The following OSBPL3 variants were observed in gnomAD, a reference collection of about 807,000 sequenced individuals.
OSBPL3 encodes the protein oxysterol-binding protein-related protein 3.
Under a neutral mutation model 120.1 loss-of-function variants are expected in OSBPL3, and 65 were observed. That is an observed-to-expected ratio of 0.54 (90% CI 0.44 to 0.67). The LOEUF (loss-of-function observed/expected upper bound fraction) is 0.67. Ranked by LOEUF, OSBPL3 falls within the 30% of genes least tolerant of loss-of-function variation. The pLI is 0.00. For missense variants in OSBPL3, 1,004 were observed against 1,082.1 expected (o/e 0.93, Z 1.01); for synonymous variants, 416 against 402.6 (o/e 1.03, Z -0.40).
At chr7:24,945,521 T>C (rs1230180512) in intron 1 of OSBPL3, among the ~76,000 whole-genome samples, 1 of 152,242 alleles carries the variant, frequency 6.6e-6, no homozygotes, top group Admixed American at 6.5e-5. Flanking sequence ...TAAATACTTG[T>C]TGAAAACATC....
chr7:24,944,115 A>T (rs1584696233), intron 1 of OSBPL3, among the ~76,000 whole-genome samples: 1 of 151,076 alleles, frequency 6.6e-6, no homozygotes. Context: ...AAACATTTTT[A>T]TTAGGGAGAA....
chr7:24,836,283 C>G (rs1161244944), intron 14 of OSBPL3, among the ~76,000 whole-genome samples: 1 of 152,122 alleles, frequency 6.6e-6, no homozygotes, highest in East Asian at 1.9e-4. Context: ...CCTCTTCAGG[C>G]TTGTCATTTT....
chr7:24,928,762 C>T, intron 1 of OSBPL3, among the ~76,000 whole-genome samples: 1 of 152,162 alleles, frequency 6.6e-6, no homozygotes. Context: ...TGGAATCATA[C>T]AGAATATGCT....
At position 24,852,659 on chromosome 7, in the gene OSBPL3, A is replaced by G; in HGVS notation, c.1028-25T>C. On this transcript the variant is annotated intron_variant, in intron 10 of 22. Transcript: ENST00000313367. This position sits in a 1 kb window ranked among gnomAD's most constrained non-coding sequence, Gnocchi z 4.1. ...ACTATAGAGATAGAATCATTATAAA[A>G]AGGAATAAGGAGGCATAATTAAAAA... 1 of 1,468,636 alleles carries G rather than the reference A, an allele frequency of 6.8e-7. No homozygotes were observed. The highest frequency in any genetic ancestry group is 9.2e-7 in the Non-Finnish European group (1 of 1,091,448). The allele number at this position is 1,468,636 out of a possible 1,614,324, so 91.0% of individuals were successfully genotyped here.
intron 1 of OSBPL3, among the ~76,000 whole-genome samples, chr7:24,911,920 C>T (rs938617361): frequency 6.6e-6 from 1 of 152,140 alleles, no homozygotes; most frequent in African/African-American, 2.4e-5. Context: ...TAGACTAGAG[C>T]TAAAAGGCAA....
Position 24,930,023 on chromosome 7 carries a change from G to C in OSBPL3, c.-149-37402C>G, listed in dbSNP as rs1053755976. On this transcript the variant is annotated intron_variant, in intron 1 of 22. Transcript: ENST00000313367. This position sits in a 1 kb window ranked among gnomAD's most constrained non-coding sequence, Gnocchi z 4.4. Reference sequence around the variant, plus strand: ...TCTCATAGAGCAAGGTAAGGGTAAAGTAAAGGTGAAGGCATCGTTAATGAT... The same window carrying C: ...TCTCATAGAGCAAGGTAAGGGTAAACTAAAGGTGAAGGCATCGTTAATGAT... 2.0e-5 allele frequency among the ~76,000 whole-genome samples: 3 copies of C among 152,146 alleles called. No individual in the cohort carries two copies. Among genetic ancestry groups the C allele is most frequent in the Non-Finnish European group, 4.4e-5 (3 of 68,010 alleles).
chr7:24,954,318 T>C (rs1456407002), intron 1 of OSBPL3, among the ~76,000 whole-genome samples: 2 of 152,190 alleles, frequency 1.3e-5, no homozygotes, highest in African/African-American at 4.8e-5. Context: ...CCTTTCTCCA[T>C]AAGGATGTCA....
At chr7:24,837,930 A>G (rs1334396024) in intron 14 of OSBPL3, among the ~76,000 whole-genome samples, 1 of 152,232 alleles carries the variant, frequency 6.6e-6, no homozygotes, top group Non-Finnish European at 1.5e-5. Context: ...ACTGTGGGGA[A>G]GAAATTAATA....
intron 19 of OSBPL3, among the ~76,000 whole-genome samples, chr7:24,814,830 G>T (rs1054707598): frequency 6.6e-6 from 1 of 152,232 alleles, no homozygotes; most frequent in Non-Finnish European, 1.5e-5. Flanking sequence ...TTTTAAAAGG[G>T]TCTCTCTGGC....
intron 1 of OSBPL3, among the ~76,000 whole-genome samples, chr7:24,969,384 T>G (rs1816753717): frequency 6.6e-6 from 1 of 152,356 alleles, no homozygotes; most frequent in Admixed American, 6.5e-5. Flanking sequence ...AAAGTAGGTC[T>G]TTGTGATATG....
At chr7:24,917,978 G>A (rs1177017710) in intron 1 of OSBPL3, 3 of 538,372 alleles carry the variant, frequency 5.6e-6, no homozygotes, top group Non-Finnish European at 7.1e-6. Context: ...GATTCCTTCA[G>A]CCTGACGATC....
In OSBPL3 at chr7:24,807,817, A is replaced by G. The variant is rs116582809; in HGVS notation, c.2318-915T>C. Among the ~76,000 whole-genome samples, 1,191 of 152,332 alleles carry G rather than the reference A, an allele frequency of 7.8e-3. 21 individuals carry two copies. Among genetic ancestry groups the G allele is most frequent in the African/African-American group, 0.027 (1,123 of 41,570 alleles). ...CAAATTTACATATTGTATAAATCCA[A>G]TGTAGACTACTAAGATCTACTTACA... is the stretch of plus-strand genomic sequence containing the variant. On this transcript the variant is annotated intron_variant, in intron 20 of 22. Coordinates refer to ENST00000313367, the MANE Select transcript of OSBPL3 (RefSeq NM_015550.4).
Position 24,966,064 on chromosome 7 carries a change from G to A in OSBPL3, c.-150+13822C>T, listed in dbSNP as rs1158576657. The stretch of plus-strand genomic sequence containing the variant: ...CACACAAGTCATCTGAGAGAGAGGA[G>A]AAACAGTACTGTTAAAAGGATGTGG... On this transcript the variant is annotated intron_variant, in intron 1 of 22. Transcript: ENST00000313367. This position sits in a 1 kb window ranked among gnomAD's most constrained non-coding sequence, Gnocchi z 4.8. Among the ~76,000 whole-genome samples the A allele has an allele frequency of 6.6e-6, 1 of 152,160 alleles. No individual in the cohort carries two copies. The highest frequency in any genetic ancestry group is 2.1e-4 in the South Asian group (1 of 4,830).
chr7:24,934,716 A>C lies in OSBPL3; in HGVS notation c.-149-42095T>G, dbSNP rs17296165. 9.5e-3 allele frequency among the ~76,000 whole-genome samples: 1,449 copies of C among 152,280 alleles called. 11 individuals are homozygous for C. The highest frequency in any genetic ancestry group is 0.034 in the Middle Eastern group (10 of 294). On this transcript the variant is annotated intron_variant, in intron 1 of 22. Transcript: ENST00000313367. ...TACTTTTGAATGGATCTTTTCTGGAAATATTTCACCCTTCAGAAGTGATAT... is the reference window on the plus strand; with the variant it reads ...TACTTTTGAATGGATCTTTTCTGGACATATTTCACCCTTCAGAAGTGATAT...
chr7:24,973,435 G>A (rs1460560973), intron 1 of OSBPL3, among the ~76,000 whole-genome samples: 1 of 152,052 alleles, frequency 6.6e-6, no homozygotes, highest in Non-Finnish European at 1.5e-5. Flanking sequence ...CCATATTCTG[G>A]CTCTCAAACA....
At chr7:24,882,993 T>G (rs951748984) in intron 2 of OSBPL3, among the ~76,000 whole-genome samples, 3 of 152,220 alleles carry the variant, frequency 2.0e-5, no homozygotes, top group African/African-American at 7.2e-5. Context: ...GTTGGAAGCA[T>G]AGTTTGCAAA....
chr7:24,900,434 C>T lies in OSBPL3; in HGVS notation c.-149-7813G>A, dbSNP rs1466488767. 2.0e-5 allele frequency among the ~76,000 whole-genome samples: 3 copies of T among 152,292 alleles called. No individual in the cohort carries two copies. Among genetic ancestry groups the T allele is most frequent in the African/African-American group, 7.2e-5 (3 of 41,562 alleles). The stretch of plus-strand genomic sequence containing the variant: ...ACGGTAAAATTAGCTTCGTATATAT[C>T]GTTTCACTTGAAGTCACAGTTTCCA... On this transcript the variant is annotated intron_variant, in intron 1 of 22. Transcript: ENST00000313367. This position sits in a 1 kb window ranked among gnomAD's most constrained non-coding sequence, Gnocchi z 4.5.
Position 24,871,597 on chromosome 7 carries a change from C to T in OSBPL3, c.267+145G>A, listed in dbSNP as rs1440793019. ...GTGGAAGAACTGAGCCTGCCTGGAA[C>T]CCAGAGCTCAGACAGAAGTGTTTCC... On this transcript the variant is annotated intron_variant, in intron 4 of 22. Transcript: ENST00000313367. This position sits in a 1 kb window ranked among gnomAD's most constrained non-coding sequence, Gnocchi z 4.8. The T allele has an allele frequency of 1.5e-6, 1 of 656,134 alleles. No individual in the cohort carries two copies. Among genetic ancestry groups the T allele is most frequent in the Non-Finnish European group, 2.7e-6 (1 of 375,248 alleles). 40.6% of individuals were successfully genotyped at this position (656,134 alleles called of 1,614,324 possible). A position where few individuals can be genotyped will look rare whatever the true frequency, so the allele number is the denominator to read the frequency against.
Position 24,806,493 on chromosome 7 carries a change from A to G in OSBPL3, c.2444+283T>C, listed in dbSNP as rs1005292368. 3.3e-5 allele frequency among the ~76,000 whole-genome samples: 5 copies of G among 152,142 alleles called. No homozygotes were observed. Among genetic ancestry groups the G allele is most frequent in the African/African-American group, 1.2e-4 (5 of 41,426 alleles). The stretch of plus-strand genomic sequence containing the variant: ...GGTTTTAACTTACTTACTTTACACT[A>G]AGTTCTTTATTACTGCATGCAGTAA... On this transcript the variant is annotated intron_variant, in intron 21 of 22. Transcript: ENST00000313367. The surrounding 1 kb of genome is among the most constrained non-coding windows in gnomAD (Gnocchi z 5.2).
Sources: gnomAD v4.1 joint callset for allele counts (sites outside exome capture counted in the v4.1 genomes callset) on GRCh38, gnomAD v4.1.1 for gene constraint, Gnocchi (gnomAD v3.1) non-coding constraint, MANE v1.5 for transcripts, NCBI Gene and HGNC (gene_info 2026-07-23, HGNC 2026-07-21) for gene names.